Variants in PPM1F observed in about 807,000 individuals in gnomAD.
PPM1F encodes the protein protein phosphatase 1F.
PPM1F carries 17 observed loss-of-function variants against 35.5 expected under a neutral mutation model. The ratio of observed to expected loss-of-function variants is 0.48; its 90% CI spans 0.33 to 0.72. The LOEUF is 0.72. Among genes scored for constraint, PPM1F ranks in the 30% least tolerant of loss-of-function variants. The probability of loss-of-function intolerance (pLI) is 0.02; values close to 1 mark genes in which losing one functional copy is unlikely to be tolerated. For synonymous variants in PPM1F, 241 were observed against 255.5 expected, an observed-to-expected ratio of 0.94 and a Z score of 0.54; for missense variants, 521 against 613.0, an observed-to-expected ratio of 0.85 and a Z score of 1.59.
chr22:21,930,168 C>T (rs73388126), intron 6 of PPM1F, among the ~76,000 whole-genome samples: 159 of 152,344 alleles, frequency 1.0e-3, no homozygotes, highest in African/African-American at 3.7e-3. Flanking sequence ...TTAACAATTG[C>T]CCCAAGACAG....
intron 6 of PPM1F, among the ~76,000 whole-genome samples, chr22:21,930,580 A>G (rs1376930193): frequency 1.3e-5 from 2 of 152,234 alleles, no homozygotes; most frequent in African/African-American, 2.4e-5. Flanking sequence ...GGTGGAGAAC[A>G]GCACGTGGGA....
chr22:21,944,783 G>A (rs1285267213), intron 2 of PPM1F: 1 of 152,230 alleles, frequency 6.6e-6, no homozygotes, highest in Non-Finnish European at 1.5e-5. Context: ...TGAAGGGGAG[G>A]GCAAGGGTCT....
chr22:21,938,467 G>A (rs1255733701), intron 3 of PPM1F: 2 of 1,121,914 alleles, frequency 1.8e-6, no homozygotes, highest in South Asian at 1.8e-5. Context: ...GGAGGAGAGC[G>A]CGGGCACCCA....
At chr22:21,947,608 A>T (rs1263146119) in intron 1 of PPM1F, 1 of 152,256 alleles carries the variant, frequency 6.6e-6, no homozygotes, top group East Asian at 1.9e-4. Context: ...TTCACAGCCC[A>T]TCACCTTCAT....
chr22:21,939,385 GC>G lies in PPM1F; in HGVS notation c.355+146del. On this transcript the variant is annotated intron_variant, in intron 3 of 7. Transcript: ENST00000263212. The surrounding 1 kb of genome is among the most constrained non-coding windows in gnomAD (Gnocchi z 5.1). The stretch of plus-strand genomic sequence containing the variant: ...ACCCTCCACCTCACTGGGGCCGCAA[GC>G]CTTCTCTGCTCCTTGATTCTGCTGC... The G allele has an allele frequency of 9.3e-7, 1 of 1,079,874 alleles. No homozygotes were observed. The highest frequency in any genetic ancestry group is 1.3e-6 in the Non-Finnish European group (1 of 754,598). 66.9% of individuals were successfully genotyped at this position (1,079,874 alleles called of 1,614,324 possible). A position where few individuals can be genotyped will look rare whatever the true frequency, so the allele number is the denominator to read the frequency against.
chr22:21,934,164 A>G lies in PPM1F; in HGVS notation c.418T>C (p.Trp140Arg). Residue 140 changes from tryptophan (W) to arginine (R), a missense_variant, in exon 4 of 8, where the codon TGG becomes CGG. By Grantham distance (101) the Trp-to-Arg change is moderately radical (BLOSUM62 -3). Around this residue, in one of 3 missense-constraint regions of PPM1F, gnomAD observed 311 missense variants for 351.5 expected, o/e 0.88. Transcript: ENST00000263212. ...GCAGCCAATGGCACCTGCTTCTGCC[A>G]CTGGCCGGCGACTTCCCAAAGGCGG... is the stretch of plus-strand genomic sequence containing the variant. ...FNRLWEVAGQ[W>R]QKQVPLAARA... The G allele has an allele frequency of 6.3e-7, 1 of 1,578,060 alleles. No individual in the cohort carries two copies. Among genetic ancestry groups the G allele is most frequent in the African/African-American group, 1.3e-5 (1 of 74,514 alleles).
In PPM1F at chr22:21,939,455, T is replaced by C; in HGVS notation, c.355+77A>G. 1 of 1,572,692 alleles carries C rather than the reference T, an allele frequency of 6.4e-7. No homozygotes were observed. Among genetic ancestry groups the C allele is most frequent in the Non-Finnish European group, 8.7e-7 (1 of 1,156,048 alleles). On this transcript the variant is annotated intron_variant, in intron 3 of 7. Coordinates refer to ENST00000263212, the MANE Select transcript of PPM1F (RefSeq NM_014634.4). The surrounding 1 kb of genome is among the most constrained non-coding windows in gnomAD (Gnocchi z 5.1). Reference sequence around the variant, plus strand: ...CAGCACCCTTAGGGACCCCAATCAATGGGCTTCCCACAATGTCGTCACCCT... The same window carrying C: ...CAGCACCCTTAGGGACCCCAATCAACGGGCTTCCCACAATGTCGTCACCCT...
chr22:21,927,397 G>T (rs2070529242), intron 6 of PPM1F, among the ~76,000 whole-genome samples: 1 of 152,218 alleles, frequency 6.6e-6, no homozygotes, highest in Non-Finnish European at 1.5e-5. Flanking sequence ...TCCCTGGGGA[G>T]GGGCTGTGAG....
intron 1 of PPM1F, chr22:21,950,352 T>C (rs1238590663): frequency 6.6e-6 from 1 of 152,116 alleles, no homozygotes; most frequent in Non-Finnish European, 1.5e-5. Flanking sequence ...CTTTCATGTC[T>C]CTATGGCACT....
intron 5 of PPM1F, 82 bp from the exon 6 acceptor site, chr22:21,931,373 G>C: frequency 7.4e-7 from 1 of 1,352,278 alleles, no homozygotes; most frequent in Non-Finnish European, 1.0e-6. Flanking sequence ...AAGCTTCCGG[G>C]GGTGATGAAT....
At chr22:21,931,862 G>T (rs1052542729) in intron 5 of PPM1F, among the ~76,000 whole-genome samples, 8 of 151,702 alleles carry the variant, frequency 5.3e-5, no homozygotes, top group African/African-American at 1.9e-4. Context: ...ACCCAGGCTG[G>T]AGTGCAGTGG....
In PPM1F at chr22:21,933,484, G is replaced by T. The variant is rs756893745; in HGVS notation, c.654C>A (p.Ala218=). 6 of 1,613,514 alleles carry T rather than the reference G, an allele frequency of 3.7e-6. No homozygotes were observed. The African/African-American group carries it at 4.0e-5, about 11-fold the overall frequency. The stretch of plus-strand genomic sequence containing the variant: ...GGTCTGTGGGCAGCTCTGGCTGGCG[G>T]GCAGCGTTGGTGTGCACGTGGACAG... The part of the protein sequence containing the change: ...YAAVHVHTNA[A]RQPELPTDPE... The change falls in exon 5 of 8, where the codon GCC becomes GCA. Residue 218 remains alanine, a synonymous_variant. Transcript: ENST00000263212.
At chr22:21,935,446 G>A (rs1248578932) in intron 3 of PPM1F, 1 of 152,178 alleles carries the variant, frequency 6.6e-6, no homozygotes, top group African/African-American at 2.4e-5. Flanking sequence ...TCCTGGTGGT[G>A]ATATTTTATT....
chr22:21,933,888 G>T, intron 4 of PPM1F, 136 bp downstream of exon 4: 1 of 881,710 alleles, frequency 1.1e-6, no homozygotes, highest in Non-Finnish European at 1.7e-6. Context: ...TTAGTCTCTT[G>T]CTGGGCAAGT....
intron 7 of PPM1F, among the ~76,000 whole-genome samples, chr22:21,923,780 C>T (rs1177208414): frequency 2.0e-5 from 3 of 151,970 alleles, no homozygotes; most frequent in Admixed American, 2.0e-4. Context: ...TGGGTTCAAG[C>T]GATTCCCCTG....
rs1279581572 is a variant in PPM1F at position 21,945,916 on chromosome 22, G to A, written c.133C>T (p.Pro45Ser). The A allele has an allele frequency of 5.0e-6, 8 of 1,612,888 alleles. No homozygotes were observed. The highest frequency in any genetic ancestry group is 1.7e-5 in the Admixed American group (1 of 59,884). ...NPEDPLPWKA[P>S]GTVLSQEEVE... ...TCCTCCTGGCTGAGCACCGTCCCTG[G>A]GGCCTTCCATGGCAGAGGGTCCTCT... The change falls in exon 2 of 8, where the codon CCA (proline) becomes TCA (serine). Residue 45 changes from proline (P) to serine (S), a missense_variant. Physicochemically the swap from Pro to Ser is moderately conservative, Grantham distance 74 (BLOSUM62 -1). Coordinates refer to ENST00000263212, the MANE Select transcript of PPM1F (RefSeq NM_014634.4).
In PPM1F at chr22:21,938,640, G is replaced by T. The variant is rs1264458907; in HGVS notation, c.355+892C>A. On this transcript the variant is annotated intron_variant, in intron 3 of 7. Coordinates refer to ENST00000263212, the MANE Select transcript of PPM1F (RefSeq NM_014634.4). ...GAAATGGCCGACAGGAAATGGCAAGGAAGGGAAAATCCACTGCAACTCTGC... is the reference window on the plus strand; with the variant it reads ...GAAATGGCCGACAGGAAATGGCAAGTAAGGGAAAATCCACTGCAACTCTGC... The T allele has an allele frequency of 3.9e-6, 4 of 1,018,238 alleles. No individual in the cohort carries two copies. The Admixed American group carries it at 2.1e-4, about 53-fold the overall frequency. 63.1% of individuals were successfully genotyped at this position (1,018,238 alleles called of 1,614,324 possible).
Position 21,923,107 on chromosome 22 carries a change from A to T in PPM1F, c.1350T>A (p.Ala450=). The change falls in exon 8 of 8, where the codon GCT becomes GCA. Residue 450 remains alanine, a synonymous_variant. Coordinates refer to ENST00000263212, the MANE Select transcript of PPM1F (RefSeq NM_014634.4). ...PSSLPEPETQ[A]PPRS is the part of the protein sequence containing the mutation. Reference sequence around the variant, plus strand: ...TGGAAACCACCTAGCTTCTTGGTGGAGCCTGGGTCTCAGGTTCTGGAAGGC... The same window carrying T: ...TGGAAACCACCTAGCTTCTTGGTGGTGCCTGGGTCTCAGGTTCTGGAAGGC... The T allele has an allele frequency of 6.2e-7, 1 of 1,605,416 alleles. No homozygotes were observed. The highest frequency in any genetic ancestry group is 8.5e-7 in the Non-Finnish European group (1 of 1,176,114).
intron 6 of PPM1F, among the ~76,000 whole-genome samples, chr22:21,927,930 G>A (rs1007531663): frequency 7.3e-4 from 68 of 93,386 alleles, no homozygotes; most frequent in African/African-American, 2.8e-3. Flanking sequence ...TCTTGATTCT[G>A]TTTTTTGTTT....
Sources: allele counts gnomAD v4.1 joint callset (sites outside exome capture counted in the v4.1 genomes callset), GRCh38; gene constraint gnomAD v4.1.1; regional missense constraint gnomAD v4.1.1; non-coding constraint Gnocchi (gnomAD v3.1); transcripts MANE v1.5; gene names NCBI Gene and HGNC (gene_info 2026-07-23, HGNC 2026-07-21).